The following C13orf46 variants were observed in gnomAD, a reference collection of about 807,000 sequenced individuals.
C13orf46 encodes chromosome 13 open reading frame 46.
Position 113,955,610 on chromosome 13 carries a change from AGAGACGAGGAGTAGTGTCTGGCG to A in C13orf46, c.*1140_*1162del, listed in dbSNP as rs1199809787. 0.14 allele frequency: 17,402 copies of A among 122,946 alleles called. 1,525 individuals carry two copies. Among genetic ancestry groups the A allele is most frequent in the Non-Finnish European group, 0.18 (11,348 of 62,162 alleles). The allele number at this position is 122,946 out of a possible 1,614,324, so 7.6% of individuals were successfully genotyped here. A position where few individuals can be genotyped will look rare whatever the true frequency, so the allele number is the denominator to read the frequency against. On this transcript the variant is annotated 3_prime_UTR_variant, in exon 7 of 7. Coordinates refer to ENST00000636427, the MANE Select transcript of C13orf46 (RefSeq NM_001365455.2). The stretch of plus-strand genomic sequence containing the variant: ...CTCGTGGAGCGGAGGAGCATCTGGC[AGAGACGAGGAGTAGTGTCTGGCG>A]GAGACGAGGAGTAGTGTCTGGCAGA...
chr13:113,937,529 CTGAGA>C, the C13orf46 span, among the ~76,000 whole-genome samples: 1 of 152,186 alleles, frequency 6.6e-6, no homozygotes, highest in African/African-American at 2.4e-5. Context: ...CAAAAGGCGT[CTGAGA>C]TAAGGCTCAG....
At chr13:113,942,197 T>G in the C13orf46 span, among the ~76,000 whole-genome samples, 1 of 152,128 alleles carries the variant, frequency 6.6e-6, no homozygotes, top group African/African-American at 2.4e-5. Flanking sequence ...CAGAATACAA[T>G]AGACGCATAT....
downstream of C13orf46, among the ~76,000 whole-genome samples, chr13:113,952,844 C>T (rs961515611): frequency 5.3e-5 from 8 of 152,374 alleles, no homozygotes; most frequent in East Asian, 1.9e-4. Context: ...CTCAGCCCAA[C>T]GGGCCGGGCA....
the C13orf46 span, among the ~76,000 whole-genome samples, chr13:113,943,324 T>C: frequency 6.6e-6 from 1 of 152,188 alleles, no homozygotes; most frequent in Admixed American, 6.5e-5. Flanking sequence ...AGAAATATGC[T>C]GGTTCGGCTC....
chr13:113,957,308 A>G lies in C13orf46; in HGVS notation c.573-469T>C, dbSNP rs1253644455. Among the ~76,000 whole-genome samples the G allele has an allele frequency of 2.4e-5, 2 of 82,468 alleles. 1 individual carries two copies. The allele number at this position is 82,468 out of a possible 152,430, so 54.1% of individuals were successfully genotyped here. On this transcript the variant is annotated intron_variant, in intron 6 of 6. Transcript: ENST00000636427. ...CTGGGGGGTCTCCCCTGCACTCTGC[A>G]CCCCCTTTCATCAAGCACACTGGGG...
chr13:113,937,694 G>T, the C13orf46 span, among the ~76,000 whole-genome samples: 1 of 152,170 alleles, frequency 6.6e-6, no homozygotes, highest in African/African-American at 2.4e-5. Context: ...TCGGATGAAC[G>T]CTGGTTCGGT....
chr13:113,952,693 A>T (rs2052494110), downstream of C13orf46, among the ~76,000 whole-genome samples: 1 of 152,144 alleles, frequency 6.6e-6, no homozygotes, highest in Non-Finnish European at 1.5e-5. Context: ...GCGTCCTTCT[A>T]GGGGGAGCCT....
chr13:113,946,307 G>A, the C13orf46 span, among the ~76,000 whole-genome samples: 1 of 152,194 alleles, frequency 6.6e-6, no homozygotes, highest in Non-Finnish European at 1.5e-5. Flanking sequence ...TCTAACTCAC[G>A]TAACAGGACC....
chr13:113,927,002 C>A, the C13orf46 span: 2 of 152,254 alleles, frequency 1.3e-5, no homozygotes, highest in Non-Finnish European at 2.9e-5. Context: ...CACTTTGTAC[C>A]CTCTCCCGAG....
rs1047088812 is a variant in C13orf46 at position 113,961,272 on chromosome 13, G to A, written c.572+3655C>T. Among the ~76,000 whole-genome samples, 709 of 151,880 alleles carry A rather than the reference G, an allele frequency of 4.7e-3. 5 individuals carry two copies. The highest frequency in any genetic ancestry group is 0.016 in the African/African-American group (666 of 41,434). ...TTGTGAGCATGTTATTGATATAAAT[G>A]TTCTAAAAATTACATACATTTATAT... On this transcript the variant is annotated intron_variant, in intron 6 of 6. Transcript: ENST00000636427.
At chr13:113,966,652 G>A (rs2052653096) in intron 5 of C13orf46, among the ~76,000 whole-genome samples, 1 of 151,576 alleles carries the variant, frequency 6.6e-6, no homozygotes, top group Non-Finnish European at 1.5e-5. Flanking sequence ...GCTGCTGATG[G>A]GAATGATGGT....
chr13:113,959,353 A>G (rs1467731990), intron 6 of C13orf46, among the ~76,000 whole-genome samples: 1 of 152,158 alleles, frequency 6.6e-6, no homozygotes, highest in Non-Finnish European at 1.5e-5. Flanking sequence ...ATGATTGGCT[A>G]GGATGTGTGA....
At chr13:113,946,000 G>A in the C13orf46 span, among the ~76,000 whole-genome samples, 5 of 152,094 alleles carry the variant, frequency 3.3e-5, no homozygotes, top group Non-Finnish European at 5.9e-5. Context: ...CCAGTTCACC[G>A]CACTGTGGGC....
At chr13:113,972,129 C>G (rs930867473) in intron 1 of C13orf46, among the ~76,000 whole-genome samples, 1 of 152,204 alleles carries the variant, frequency 6.6e-6, no homozygotes, top group African/African-American at 2.4e-5. Context: ...ATCCCTCCCT[C>G]CATCCGACCC....
intron 6 of C13orf46, among the ~76,000 whole-genome samples, chr13:113,959,039 G>A (rs2052565700): frequency 6.6e-6 from 1 of 152,182 alleles, no homozygotes; most frequent in Non-Finnish European, 1.5e-5. Context: ...GCACTTGGGA[G>A]GTTGAGGCAG....
At chr13:113,942,175 T>C in the C13orf46 span, among the ~76,000 whole-genome samples, 1 of 152,224 alleles carries the variant, frequency 6.6e-6, no homozygotes. Context: ...GACCTACACT[T>C]TTCACAAACC....
chr13:113,958,838 C>G (rs1171917940), intron 6 of C13orf46, among the ~76,000 whole-genome samples: 1 of 152,240 alleles, frequency 6.6e-6, no homozygotes, highest in Non-Finnish European at 1.5e-5. Context: ...TCTCTGGCCC[C>G]TGCACAGCTG....
the C13orf46 span, among the ~76,000 whole-genome samples, chr13:113,945,601 GAAAGAAGAAAGAAAGA>G: frequency 1.7e-4 from 20 of 114,322 alleles, no homozygotes; most frequent in East Asian, 2.3e-3. Flanking sequence ...GAGAAAGAAA[GAAAGAAGAAAGAAAGA>G]AAGAAAGAAA....
At chr13:113,951,838 G>C (rs1243791867), downstream of C13orf46, among the ~76,000 whole-genome samples, 1 of 152,252 alleles carries the variant, frequency 6.6e-6, no homozygotes, top group African/African-American at 2.4e-5. Flanking sequence ...GCTCCAAGAG[G>C]CTGGGGACCG....
Sources: allele counts gnomAD v4.1 joint callset (sites outside exome capture counted in the v4.1 genomes callset), GRCh38; gene constraint gnomAD v4.1.1; transcripts MANE v1.5; gene names NCBI Gene and HGNC (gene_info 2026-07-23, HGNC 2026-07-21).